The following CLEC16A variants were observed in gnomAD, a reference collection of about 807,000 sequenced individuals.
CLEC16A encodes C-type lectin domain containing 16A.
Under a neutral mutation model 109.5 loss-of-function variants are expected in CLEC16A, and 51 were observed. That is an observed-to-expected ratio of 0.47 (90% confidence interval 0.37 to 0.59). The LOEUF is 0.59. CLEC16A is among the 20% of genes least tolerant of loss of function. The pLI, the probability that CLEC16A is intolerant of heterozygous loss-of-function variation, is 0.00. For synonymous variants in CLEC16A, 673 were observed against 564.2 expected (o/e 1.19, Z -2.73); for missense variants, 1,339 against 1,394.0 (o/e 0.96, Z 0.63).
rs1597443351 is a variant in CLEC16A at position 11,117,967 on chromosome 16, C to G, written c.2117-2648C>G. 3.3e-5 allele frequency among the ~76,000 whole-genome samples: 5 copies of G among 151,700 alleles called. No homozygotes were observed. The South Asian group carries it at 1.0e-3, about 31-fold the overall frequency. ...AGACATTGAATTTGGGGATAACTTT[C>G]TTTTTCTTTTCTTTTCTTTTTTTTT... On this transcript the variant is annotated intron_variant, in intron 19 of 23. Coordinates refer to ENST00000409790, the MANE Select transcript of CLEC16A (RefSeq NM_015226.3).
Position 11,063,766 on chromosome 16 carries a change from G to T in CLEC16A, c.2116+2744G>T, listed in dbSNP as rs183358709. 2.7e-4 allele frequency among the ~76,000 whole-genome samples: 41 copies of T among 152,254 alleles called. No individual in the cohort carries two copies. The East Asian group carries it at 7.7e-3, about 29-fold the overall frequency. ...TCTCATGGGGAGCATTAAAGATGTGGTCACCACTCAGCAAAGAGGCAAACT... is the reference window on the plus strand; with the variant it reads ...TCTCATGGGGAGCATTAAAGATGTGTTCACCACTCAGCAAAGAGGCAAACT... On this transcript the variant is annotated intron_variant, in intron 19 of 23. Transcript: ENST00000409790.
At chr16:11,100,103 C>T (rs2050827171) in intron 19 of CLEC16A, among the ~76,000 whole-genome samples, 1 of 152,040 alleles carries the variant, frequency 6.6e-6, no homozygotes, top group South Asian at 2.1e-4. Context: ...TAACTTTTGC[C>T]TAAAAAAAAT....
chr16:11,020,475 A>G (rs2046032255), intron 12 of CLEC16A, 150 bp downstream of exon 12: 3 of 1,007,848 alleles, frequency 3.0e-6, no homozygotes, highest in Non-Finnish European at 4.2e-6. Context: ...AGCTCTGGCC[A>G]CCCAGAAGCA....
chr16:11,100,160 TG>T (rs1177742286), intron 19 of CLEC16A, among the ~76,000 whole-genome samples: 1 of 152,146 alleles, frequency 6.6e-6, no homozygotes, highest in African/African-American at 2.4e-5. Context: ...TGCATCAAGC[TG>T]AAGAAGGTGC....
At chr16:11,123,991 G>T in intron 21 of CLEC16A, 45 bp downstream of exon 21, 1 of 1,538,694 alleles carries the variant, frequency 6.5e-7, no homozygotes, top group South Asian at 1.2e-5. Flanking sequence ...GCACTTGGTG[G>T]GTCAGGGCTG....
chr16:11,018,709 A>G (rs1401585653), intron 11 of CLEC16A, among the ~76,000 whole-genome samples: 5 of 148,722 alleles, frequency 3.4e-5, no homozygotes, highest in Admixed American at 6.7e-5. Context: ...AGATCATGCT[A>G]CTGCACTCCA....
chr16:11,119,463 A>C (rs904575270), intron 19 of CLEC16A, among the ~76,000 whole-genome samples: 2 of 152,046 alleles, frequency 1.3e-5, no homozygotes, highest in African/African-American at 4.8e-5. Context: ...ATCATGGCTC[A>C]TTGCAGCCTT....
chr16:11,039,781 T>C lies in CLEC16A; in HGVS notation c.1565T>C (p.Ile522Thr), dbSNP rs778213878. 4 of 1,605,464 alleles carry C rather than the reference T, an allele frequency of 2.5e-6. No individual in the cohort carries two copies. In the African/African-American group the frequency reaches 5.4e-5, roughly 21 times the overall value. ...KGMDPEKLERIQLPVPNAAEK... is the reference protein window; with the variant it reads ...KGMDPEKLERTQLPVPNAAEK... ...ATGGATCCTGAAAAATTAGAGCGAA[T>C]CCAGCTCCCCGTGCCAAATGCGGCC... is the stretch of plus-strand genomic sequence containing the variant. The change falls in exon 14 of 24, where the codon ATC becomes ACC. Residue 522 changes from isoleucine to threonine, a missense_variant. Ile to Thr is a moderately conservative substitution (Grantham distance 89). This residue lies in a region of CLEC16A where 1,061 missense variants were observed against 1,006.8 expected (regional missense o/e 1.05). Coordinates refer to ENST00000409790, the MANE Select transcript of CLEC16A (RefSeq NM_015226.3).
intron 15 of CLEC16A, 72 bp downstream of exon 15, chr16:11,042,435 G>GCATC: frequency 8.0e-7 from 1 of 1,254,320 alleles, no homozygotes; most frequent in South Asian, 1.3e-5. Context: ...GAAGCTGCTG[G>GCATC]CATCCAGATA....
chr16:11,161,246 A>G (rs575027155), intron 22 of CLEC16A, among the ~76,000 whole-genome samples: 3 of 152,022 alleles, frequency 2.0e-5, no homozygotes, highest in South Asian at 2.1e-4. Context: ...AGGTAGGCCG[A>G]CTCCTACACA....
rs2053618114 is a variant in CLEC16A, at chr16:11,137,391, T to A, written c.2641+11245T>A. Among the ~76,000 whole-genome samples the A allele has an allele frequency of 1.3e-5, 2 of 151,868 alleles. 1 individual carries two copies. Among genetic ancestry groups the A allele is most frequent in the South Asian group, 4.2e-4 (2 of 4,808 alleles). On this transcript the variant is annotated intron_variant, in intron 22 of 23. Coordinates refer to ENST00000409790, the MANE Select transcript of CLEC16A (RefSeq NM_015226.3). Reference sequence around the variant, plus strand: ...TTGCCTTAAAATCTCTCTGACTAGCTCAAAGACAATCCCCTGGAACAAGGT... The same window carrying A: ...TTGCCTTAAAATCTCTCTGACTAGCACAAAGACAATCCCCTGGAACAAGGT...
chr16:11,022,446 T>G (rs1437205583), intron 12 of CLEC16A, among the ~76,000 whole-genome samples: 1 of 150,982 alleles, frequency 6.6e-6, no homozygotes, highest in Non-Finnish European at 1.5e-5. Flanking sequence ...GCCTCAGCCT[T>G]CCTGAGGCAG....
At chr16:10,962,761 A>G (rs1700820) in intron 3 of CLEC16A, among the ~76,000 whole-genome samples, 173 bp downstream of exon 3, 101,670 of 152,102 alleles carry the variant, frequency 0.67, 36,046 homozygotes, top group African/African-American at 0.91. Context: ...GTTCTGGAGC[A>G]TTGAAGTCCA....
intron 11 of CLEC16A, among the ~76,000 whole-genome samples, chr16:11,013,126 A>G (rs2045538823): frequency 6.6e-6 from 1 of 152,224 alleles, no homozygotes; most frequent in Non-Finnish European, 1.5e-5. Context: ...CCATGCAGAC[A>G]TGGCGAGAAC....
chr16:11,154,270 G>T (rs866329259), intron 22 of CLEC16A, among the ~76,000 whole-genome samples: 4 of 152,174 alleles, frequency 2.6e-5, no homozygotes, highest in South Asian at 2.1e-4. Context: ...TGTTTCTGTA[G>T]GTCAAGTTAG....
chr16:11,140,324 G>A (rs978949900), intron 22 of CLEC16A, among the ~76,000 whole-genome samples: 1 of 152,148 alleles, frequency 6.6e-6, no homozygotes, highest in African/African-American at 2.4e-5. Flanking sequence ...CAGTGTGGAT[G>A]GAATGAGCCT....
chr16:11,112,423 G>A (rs1054672408), intron 19 of CLEC16A, among the ~76,000 whole-genome samples: 2 of 146,468 alleles, frequency 1.4e-5, no homozygotes, highest in Admixed American at 7.0e-5. Flanking sequence ...ACTTTGGGAG[G>A]CCAAGGCAGG....
intron 19 of CLEC16A, among the ~76,000 whole-genome samples, chr16:11,063,713 C>CCG (rs2048616675): frequency 6.6e-6 from 1 of 152,082 alleles, no homozygotes; most frequent in South Asian, 2.1e-4. Context: ...GTGTGACAGC[C>CCG]GAGCTCCGGC....
chr16:11,008,573 GACA>G (rs2045186999), intron 11 of CLEC16A, among the ~76,000 whole-genome samples: 1 of 152,116 alleles, frequency 6.6e-6, no homozygotes, highest in African/African-American at 2.4e-5. Flanking sequence ...GCACTAGTTG[GACA>G]ACAAGTGGAA....
Sources: allele counts gnomAD v4.1 joint callset (sites outside exome capture counted in the v4.1 genomes callset), GRCh38; gene constraint gnomAD v4.1.1; regional missense constraint gnomAD v4.1.1; transcripts MANE v1.5; gene names NCBI Gene and HGNC (gene_info 2026-07-23, HGNC 2026-07-21).